The following TMEM63A variants were observed in gnomAD, a reference collection of about 807,000 sequenced individuals.
TMEM63A encodes transmembrane protein 63A, also known as mechanosensitive cation channel TMEM63A.
A neutral mutation model predicts 100.6 loss-of-function variants in TMEM63A; 76 were observed. The observed-to-expected ratio is 0.76, with a 90% CI of 0.63 to 0.91. The LOEUF (loss-of-function observed/expected upper bound fraction) is 0.91. Ranked by LOEUF, TMEM63A falls within the 40% of genes least tolerant of loss-of-function variation. The pLI is 0.00. For synonymous variants in TMEM63A, 401 were observed against 401.1 expected (o/e 1.00, Z 0.00); for missense variants, 876 against 1,008.8 (o/e 0.87, Z 1.78).
Position 225,848,491 on chromosome 1 carries a change from C to G in TMEM63A, c.2250+1G>C. The stretch of plus-strand genomic sequence containing the variant: ...CTCAGAGGCTGAGGGGCACAGCTTA[C>G]TGTGAACGGTGGGGGCATGTGGGCC... On this transcript the variant is annotated splice_donor_variant, in intron 23 of 24. Transcript: ENST00000366835. LOFTEE classifies it high-confidence loss of function. 1 of 1,614,146 alleles carries G rather than the reference C, an allele frequency of 6.2e-7. No homozygotes were observed. Among genetic ancestry groups the G allele is most frequent in the African/African-American group, 1.3e-5 (1 of 75,056 alleles).
At chr1:225,859,137 C>A (rs1669805949) in intron 15 of TMEM63A, 59 bp downstream of exon 15, 1 of 1,609,892 alleles carries the variant, frequency 6.2e-7, no homozygotes. Context: ...CCTTCCCCAC[C>A]CACCAAGCCC....
At chr1:225,879,034 T>A (rs1468854724) in intron 2 of TMEM63A, among the ~76,000 whole-genome samples, 186 bp downstream of exon 2, 1 of 152,148 alleles carries the variant, frequency 6.6e-6, no homozygotes, top group Non-Finnish European at 1.5e-5. Flanking sequence ...CTGGAGGTAG[T>A]GGGGGTTGTG....
chr1:225,844,695 C>T (rs556390352), downstream of TMEM63A: 138 of 1,597,504 alleles, frequency 8.6e-5, no homozygotes, highest in Admixed American at 2.6e-4. Context: ...TTGGGCTCCA[C>T]GAAGGGCACT....
In TMEM63A at chr1:225,862,457, A is replaced by C; in HGVS notation, c.949T>G (p.Trp317Gly). The stretch of plus-strand genomic sequence containing the variant: ...CAGCCGGGGGGTGGGACCCTTACCC[A>C]CTCACAGCCCAGCACTTCACAGCAG... ...FCCCEVLGCEWEDAISYYTRM... is the reference protein window; with the variant it reads ...FCCCEVLGCEGEDAISYYTRM... Residue 317 changes from tryptophan to glycine, a missense_variant and splice_region_variant, in exon 12 of 25, where the codon TGG becomes GGG. Trp to Gly is a radical substitution (Grantham distance 184). Around this residue, in one of 5 missense-constraint regions of TMEM63A, gnomAD observed 487 missense variants for 581.9 expected, o/e 0.84. Transcript: ENST00000366835. The surrounding 1 kb of genome is among the most constrained non-coding windows in gnomAD (Gnocchi z 5.1). The C allele has an allele frequency of 6.2e-7, 1 of 1,613,888 alleles. No individual in the cohort carries two copies. Among genetic ancestry groups the C allele is most frequent in the Non-Finnish European group, 8.5e-7 (1 of 1,179,926 alleles).
chr1:225,873,699 G>T (rs1670635284), intron 4 of TMEM63A, among the ~76,000 whole-genome samples: 1 of 152,184 alleles, frequency 6.6e-6, no homozygotes, highest in Non-Finnish European at 1.5e-5. Flanking sequence ...CCTGTGCTTT[G>T]TAACAGACTC....
chr1:225,853,892 G>A lies in TMEM63A; in HGVS notation c.1635-101C>T, dbSNP rs1669481658. 8.5e-6 allele frequency: 10 copies of A among 1,179,388 alleles called. No homozygotes were observed. In the South Asian group the frequency reaches 1.3e-4, roughly 16 times the overall value. 73.1% of individuals were successfully genotyped at this position (1,179,388 alleles called of 1,614,324 possible). On this transcript the variant is annotated intron_variant, in intron 18 of 24. Coordinates refer to ENST00000366835, the MANE Select transcript of TMEM63A (RefSeq NM_014698.3). The surrounding 1 kb of genome is among the most constrained non-coding windows in gnomAD (Gnocchi z 4.0). ...GGAGCAGAAAGCCCCTGGGAGGGCT[G>A]TATACTCTTCCGTTCATTCAGCACA...
At chr1:225,856,479 A>G (rs1019228976) in intron 17 of TMEM63A, among the ~76,000 whole-genome samples, 173 bp downstream of exon 17, 6 of 151,974 alleles carry the variant, frequency 3.9e-5, no homozygotes, top group African/African-American at 1.4e-4. Flanking sequence ...ACAATCAATC[A>G]TATTGCCAGA....
chr1:225,843,492 A>G (rs193256212), downstream of TMEM63A, among the ~76,000 whole-genome samples: 28 of 152,294 alleles, frequency 1.8e-4, 2 homozygotes, highest in Admixed American at 1.2e-3. Context: ...CCCCTGCCCT[A>G]CATTCAGCAG....
intron 15 of TMEM63A, among the ~76,000 whole-genome samples, chr1:225,858,314 G>GTTTTTTTTTTTTTTTTTTTTT (rs767994604): frequency 1.5e-5 from 1 of 65,524 alleles, no homozygotes; most frequent in Non-Finnish European, 3.6e-5. Context: ...ATACAGAATA[G>GTTTTTTTTTTTTTTTTTTTTT]TTTGTTTTTT....
intron 2 of TMEM63A, among the ~76,000 whole-genome samples, chr1:225,878,347 G>A (rs1670917408): frequency 6.6e-6 from 1 of 152,142 alleles, no homozygotes; most frequent in Non-Finnish European, 1.5e-5. Flanking sequence ...GTAGGGACGG[G>A]GAGGGAGTCA....
downstream of TMEM63A, among the ~76,000 whole-genome samples, chr1:225,844,010 G>A (rs528434224): frequency 2.6e-5 from 4 of 152,158 alleles, no homozygotes; most frequent in South Asian, 8.3e-4. Flanking sequence ...GGGCTGTGGA[G>A]TATGCATCCT....
intron 15 of TMEM63A, among the ~76,000 whole-genome samples, chr1:225,857,376 C>CGGGGTGGGGGGGGGGGGGG (rs1213111924): frequency 4.0e-3 from 13 of 3,266 alleles, no homozygotes; most frequent in African/African-American, 6.8e-3. Flanking sequence ...GAGTCCTGGC[C>CGGGGTGGGGGGGGGGGGGG]GGCGGGGCGG....
intron 17 of TMEM63A, 137 bp from the exon 18 acceptor site, chr1:225,856,077 C>T (rs113777991): frequency 1.2e-5 from 10 of 819,156 alleles, no homozygotes; most frequent in African/African-American, 1.7e-5. Flanking sequence ...CCACTTACTA[C>T]GGCATGACCT....
At chr1:225,863,068 T>C (rs750065409) in intron 10 of TMEM63A, 28 of 557,504 alleles carry the variant, frequency 5.0e-5, no homozygotes, top group Non-Finnish European at 8.4e-5. Context: ...TTTTGTTTTG[T>C]TTAGAGACAG....
In TMEM63A at chr1:225,857,004, C is replaced by G. The variant is rs1215391754; in HGVS notation, c.1391G>C (p.Ser464Thr). 1 of 1,582,668 alleles carries G rather than the reference C, an allele frequency of 6.3e-7. No individual in the cohort carries two copies. Among genetic ancestry groups the G allele is most frequent in the Non-Finnish European group, 8.5e-7 (1 of 1,170,526 alleles). ...PIHALNNPII[S>T]QFFPTLLLWS... ...GAGCAGGAGGGTGGGGAAGAACTGGCTGATGATCGGGTTCTAGGAGAAAGG... is the reference window on the plus strand; with the variant it reads ...GAGCAGGAGGGTGGGGAAGAACTGGGTGATGATCGGGTTCTAGGAGAAAGG... Residue 464 changes from serine (S) to threonine (T), a missense_variant, in exon 16 of 25, where the codon AGC becomes ACC. Transcript: ENST00000366835.
downstream of TMEM63A, chr1:225,845,380 C>CT (rs1559029005): frequency 6.5e-7 from 1 of 1,543,432 alleles, no homozygotes; most frequent in Non-Finnish European, 8.7e-7. Context: ...CCACCTCCCC[C>CT]CACAAGTGCC....
intron 2 of TMEM63A, 27 bp from the exon 3 acceptor site, chr1:225,877,621 C>G: frequency 6.3e-7 from 1 of 1,578,698 alleles, no homozygotes; most frequent in Non-Finnish European, 8.6e-7. Context: ...CAGGACAAGG[C>G]AGACGTTCAG....
At chr1:225,841,574 G>A (rs1161607058), downstream of TMEM63A, among the ~76,000 whole-genome samples, 3 of 146,766 alleles carry the variant, frequency 2.0e-5, no homozygotes, top group South Asian at 2.2e-4. Flanking sequence ...GTGAGCCACC[G>A]CACCCAGCCT....
rs751245770 is a variant in TMEM63A, at chr1:225,865,640, G to C, written c.746+257C>G. ...GACGTTTATTCGCACCTACACCCTGGTCTGTGCTCTGGACACTGTGCACAG... is the reference window on the plus strand; with the variant it reads ...GACGTTTATTCGCACCTACACCCTGCTCTGTGCTCTGGACACTGTGCACAG... On this transcript the variant is annotated intron_variant, in intron 10 of 24. Transcript: ENST00000366835. This position sits in a 1 kb window ranked among gnomAD's most constrained non-coding sequence, Gnocchi z 4.6. 5 of 469,272 alleles carry C rather than the reference G, an allele frequency of 1.1e-5. No homozygotes were observed. Among genetic ancestry groups the C allele is most frequent in the Non-Finnish European group, 1.6e-5 (4 of 254,938 alleles). The allele number at this position is 469,272 out of a possible 1,614,324, so 29.1% of individuals were successfully genotyped here. A position where few individuals can be genotyped will look rare whatever the true frequency, so the allele number is the denominator to read the frequency against.
Sources: gnomAD v4.1 joint callset for allele counts (sites outside exome capture counted in the v4.1 genomes callset) on GRCh38, gnomAD v4.1.1 for gene constraint, gnomAD v4.1.1 regional missense constraint, Gnocchi (gnomAD v3.1) non-coding constraint, MANE v1.5 for transcripts, NCBI Gene and HGNC (gene_info 2026-07-23, HGNC 2026-07-21) for gene names.